FBXL7: variants seen among roughly 807,000 people sequenced by gnomAD.
The protein encoded by FBXL7 is F-box/LRR-repeat protein 7.
Under a neutral mutation model 38.3 loss-of-function variants are expected in FBXL7, and 12 were observed. The ratio of observed to expected loss-of-function variants is 0.31; its 90% CI spans 0.20 to 0.51. The LOEUF is 0.51. Ranked by LOEUF, FBXL7 falls within the 20% of genes least tolerant of loss-of-function variation. The pLI is 0.98. For synonymous variants in FBXL7, 297 were observed against 300.9 expected, an observed-to-expected ratio of 0.99 and a Z score of 0.13; for missense variants, 567 against 676.4, an observed-to-expected ratio of 0.84 and a Z score of 1.79.
chr5:15,522,644 G>T (rs2126376750), intron 1 of FBXL7, among the ~76,000 whole-genome samples: 1 of 152,338 alleles, frequency 6.6e-6, no homozygotes, highest in South Asian at 2.1e-4. Context: ...TGCTGGCTGT[G>T]TTGCATTGAT....
intron 2 of FBXL7, among the ~76,000 whole-genome samples, chr5:15,732,439 C>T (rs1296993157): frequency 1.3e-5 from 2 of 152,108 alleles, no homozygotes; most frequent in African/African-American, 4.8e-5. Context: ...TAAAAGATGG[C>T]TTTCAGTGTT....
At position 15,937,997 on chromosome 5, in the gene FBXL7, TG is replaced by T. The variant is rs1742248085; in HGVS notation, c.*813del. Reference sequence around the variant, plus strand: ...CTTCCAGGAGAACTGATTCTGTGGATGGATGTGATTTCAGGAGATTGTGCAG... The same window carrying T: ...CTTCCAGGAGAACTGATTCTGTGGATGATGTGATTTCAGGAGATTGTGCAG... On this transcript the variant is annotated 3_prime_UTR_variant, in exon 4 of 4. Transcript: ENST00000504595. The T allele has an allele frequency of 6.6e-6, 1 of 152,268 alleles. No homozygotes were observed. The highest frequency in any genetic ancestry group is 3.1e-3 in the Middle Eastern group (1 of 318). 9.4% of individuals were successfully genotyped at this position (152,268 alleles called of 1,614,324 possible). A position where few individuals can be genotyped will look rare whatever the true frequency, so the allele number is the denominator to read the frequency against.
intron 2 of FBXL7, among the ~76,000 whole-genome samples, chr5:15,896,261 A>G (rs1561180172): frequency 6.6e-6 from 1 of 152,128 alleles, no homozygotes; most frequent in Non-Finnish European, 1.5e-5. Flanking sequence ...CCTGACCTCA[A>G]GTGATCCACC....
intron 1 of FBXL7, among the ~76,000 whole-genome samples, chr5:15,586,453 A>G (rs910482523): frequency 4.6e-5 from 7 of 151,814 alleles, no homozygotes; most frequent in African/African-American, 1.5e-4. Flanking sequence ...ATGGAAACAT[A>G]TAACTTTCAT....
At chr5:15,586,560 T>G (rs1374966774) in intron 1 of FBXL7, among the ~76,000 whole-genome samples, 1 of 152,088 alleles carries the variant, frequency 6.6e-6, no homozygotes, top group African/African-American at 2.4e-5. Context: ...AAACCTCTTA[T>G]TACTACCCCT....
At chr5:15,815,114 T>C (rs1737980342) in intron 2 of FBXL7, among the ~76,000 whole-genome samples, 1 of 152,190 alleles carries the variant, frequency 6.6e-6, no homozygotes, top group South Asian at 2.1e-4. Flanking sequence ...TACCAACCAG[T>C]TGGTACCAAT....
intron 2 of FBXL7, among the ~76,000 whole-genome samples, chr5:15,841,951 GAACCTC>G: frequency 6.6e-6 from 1 of 152,388 alleles, no homozygotes; most frequent in Non-Finnish European, 1.5e-5. Flanking sequence ...CCCTCATAGA[GAACCTC>G]TGCTAGGGCA....
chr5:15,548,665 C>G (rs989552376), intron 1 of FBXL7, among the ~76,000 whole-genome samples: 2 of 152,076 alleles, frequency 1.3e-5, no homozygotes, highest in African/African-American at 4.8e-5. Flanking sequence ...GGACATGTGC[C>G]CAGGAGACAG....
intron 2 of FBXL7, among the ~76,000 whole-genome samples, chr5:15,709,220 A>G (rs1743781449): frequency 6.6e-6 from 1 of 152,146 alleles, no homozygotes; most frequent in South Asian, 2.1e-4. Flanking sequence ...AAGTTAAGAT[A>G]TTACACTGTG....
chr5:15,567,745 C>T (rs961665847), intron 1 of FBXL7, among the ~76,000 whole-genome samples: 3 of 151,854 alleles, frequency 2.0e-5, no homozygotes, highest in Non-Finnish European at 4.4e-5. Flanking sequence ...ATCCCTCCCC[C>T]CTCACCCCAC....
chr5:15,712,680 T>TAA (rs199771551), intron 2 of FBXL7, among the ~76,000 whole-genome samples: 286 of 147,172 alleles, frequency 1.9e-3, no homozygotes, highest in African/African-American at 6.9e-3. Flanking sequence ...CAATAAAATT[T>TAA]AAAAAAAAAA....
chr5:15,836,230 T>C (rs1738588780), intron 2 of FBXL7, among the ~76,000 whole-genome samples: 1 of 152,236 alleles, frequency 6.6e-6, no homozygotes, highest in Admixed American at 6.5e-5. Context: ...ACACTTACTA[T>C]GTGCCAGAAA....
chr5:15,790,577 A>G (rs1185593632), intron 2 of FBXL7, among the ~76,000 whole-genome samples: 2 of 152,282 alleles, frequency 1.3e-5, no homozygotes, highest in South Asian at 2.1e-4. Context: ...GAACCTAGTC[A>G]TTGGCCAAAT....
intron 2 of FBXL7, among the ~76,000 whole-genome samples, chr5:15,858,524 T>C (rs1414370026): frequency 1.3e-5 from 2 of 152,186 alleles, no homozygotes; most frequent in African/African-American, 4.8e-5. Flanking sequence ...TTAAGTACTG[T>C]GTTTATAAAG....
chr5:15,696,557 A>G (rs1743344696), intron 2 of FBXL7, among the ~76,000 whole-genome samples: 1 of 152,192 alleles, frequency 6.6e-6, no homozygotes, highest in Non-Finnish European at 1.5e-5. Flanking sequence ...TCCCATTATA[A>G]TCATCCCACC....
intron 2 of FBXL7, among the ~76,000 whole-genome samples, chr5:15,693,566 T>A (rs890706223): frequency 6.6e-6 from 1 of 152,154 alleles, no homozygotes; most frequent in African/African-American, 2.4e-5. Context: ...TAGGCACTCT[T>A]GTTTTCATGC....
At chr5:15,619,693 T>C (rs1019538810) in intron 2 of FBXL7, among the ~76,000 whole-genome samples, 1 of 152,236 alleles carries the variant, frequency 6.6e-6, no homozygotes, top group African/African-American at 2.4e-5. Context: ...ATTGATTTTT[T>C]AAAATGACAT....
chr5:15,892,091 T>C (rs1411375442), intron 2 of FBXL7, among the ~76,000 whole-genome samples: 1 of 152,210 alleles, frequency 6.6e-6, no homozygotes, highest in Non-Finnish European at 1.5e-5. Context: ...AAGCAGTTCA[T>C]GGAGGTCAGC....
chr5:15,663,738 G>A lies in FBXL7; in HGVS notation c.127+47666G>A, dbSNP rs1051274761. ...TTTGGTTTGCAAGTATTTTGTTGAGGGTTTTTGCATCAATGTTTATCAGAA... is the reference window on the plus strand; with the variant it reads ...TTTGGTTTGCAAGTATTTTGTTGAGAGTTTTTGCATCAATGTTTATCAGAA... On this transcript the variant is annotated intron_variant, in intron 2 of 3. Transcript: ENST00000504595. Among the ~76,000 whole-genome samples the A allele has an allele frequency of 2.6e-5, 4 of 152,032 alleles. No homozygotes were observed. The East Asian group carries it at 5.8e-4, about 22-fold the overall frequency.
Sources: allele counts gnomAD v4.1 joint callset (sites outside exome capture counted in the v4.1 genomes callset), GRCh38; gene constraint gnomAD v4.1.1; transcripts MANE v1.5; gene names NCBI Gene and HGNC (gene_info 2026-07-23, HGNC 2026-07-21).